The following CPEB1 variants were observed in gnomAD, a reference collection of about 807,000 sequenced individuals.
CPEB1 encodes the protein cytoplasmic polyadenylation element-binding protein 1.
CPEB1 carries 7 observed loss-of-function variants against 65.8 expected under a neutral mutation model. The ratio of observed to expected loss-of-function variants is 0.11; its 90% confidence interval spans 0.06 to 0.20. The LOEUF is 0.20. Ranked by LOEUF, CPEB1 falls within the 10% of genes least tolerant of loss-of-function variation. The pLI is 1.00. For synonymous variants in CPEB1, 262 were observed against 260.0 expected (o/e 1.01, Z -0.08); for missense variants, 551 against 712.2 (o/e 0.77, Z 2.58).
intron 11 of CPEB1, 81 bp from the exon 12 acceptor site, chr15:82,546,602 T>C: frequency 1.0e-6 from 1 of 1,003,260 alleles, no homozygotes; most frequent in South Asian, 1.3e-5. Context: ...GGCACATTAT[T>C]GGCCACACAC....
chr15:82,646,394 G>A (rs1239177997), intron 1 of CPEB1, among the ~76,000 whole-genome samples: 2 of 152,198 alleles, frequency 1.3e-5, no homozygotes, highest in Non-Finnish European at 2.9e-5. Context: ...TAGCCAGGGA[G>A]ACCAAGGGAA....
chr15:82,611,761 A>G (rs1424824678), intron 3 of CPEB1, among the ~76,000 whole-genome samples: 6 of 152,172 alleles, frequency 3.9e-5, no homozygotes, highest in Admixed American at 6.5e-5. Context: ...TTTCATCTCA[A>G]TAAGTTTAAA....
At chr15:82,546,128 T>C (rs1432651427) in intron 12 of CPEB1, among the ~76,000 whole-genome samples, 1 of 152,140 alleles carries the variant, frequency 6.6e-6, no homozygotes, top group Non-Finnish European at 1.5e-5. Context: ...TTTTTTTTTT[T>C]TGACACGGAG....
intron 4 of CPEB1, among the ~76,000 whole-genome samples, chr15:82,569,885 G>A (rs1478372025): frequency 6.6e-6 from 1 of 152,178 alleles, no homozygotes; most frequent in African/African-American, 2.4e-5. Context: ...GAGGACAGGG[G>A]AGGCTGGCTT....
intron 3 of CPEB1, among the ~76,000 whole-genome samples, chr15:82,618,584 C>G (rs1015539669): frequency 6.6e-6 from 1 of 151,992 alleles, no homozygotes; most frequent in Non-Finnish European, 1.5e-5. Flanking sequence ...GACAGGTTAC[C>G]TCAAACAATT....
chr15:82,560,626 C>T (rs1335147499), intron 4 of CPEB1, among the ~76,000 whole-genome samples: 1 of 152,144 alleles, frequency 6.6e-6, no homozygotes, highest in African/African-American at 2.4e-5. Context: ...CTCCTGAGCT[C>T]AAGCAATCCT....
At chr15:82,569,027 G>C (rs1439267877) in intron 4 of CPEB1, among the ~76,000 whole-genome samples, 2 of 152,158 alleles carry the variant, frequency 1.3e-5, no homozygotes, top group Non-Finnish European at 2.9e-5. Context: ...AGTGTAACAG[G>C]GTATCTGCAA....
At chr15:82,607,700 A>G (rs2043752627) in intron 3 of CPEB1, among the ~76,000 whole-genome samples, 2 of 152,214 alleles carry the variant, frequency 1.3e-5, no homozygotes, top group Non-Finnish European at 2.9e-5. Context: ...ATTACCAGAC[A>G]AAACAGACAT....
chr15:82,563,347 C>T (rs1428225437), intron 4 of CPEB1, among the ~76,000 whole-genome samples: 1 of 137,302 alleles, frequency 7.3e-6, no homozygotes, highest in Non-Finnish European at 1.6e-5. Context: ...TATGTAAGAT[C>T]ATCTCTATTC....
rs143517655 is a variant in CPEB1, at chr15:82,612,607, C to T, written c.271+14586G>A. ...ATCCCAGCACTTTGGGAGTCCAAGGCGGGTGGGTCATGAGGTCAGAAGTTC... is the reference window on the plus strand; with the variant it reads ...ATCCCAGCACTTTGGGAGTCCAAGGTGGGTGGGTCATGAGGTCAGAAGTTC... On this transcript the variant is annotated intron_variant, in intron 3 of 12. Transcript: ENST00000684509. Among the ~76,000 whole-genome samples, 5 of 151,502 alleles carry T rather than the reference C, an allele frequency of 3.3e-5. No homozygotes were observed. The East Asian group carries it at 7.8e-4, about 24-fold the overall frequency.
At chr15:82,597,947 C>T (rs1363749042) in intron 3 of CPEB1, among the ~76,000 whole-genome samples, 1 of 152,172 alleles carries the variant, frequency 6.6e-6, no homozygotes, top group Non-Finnish European at 1.5e-5. Context: ...AAGGAGTTAC[C>T]TATAGGACTA....
At chr15:82,602,649 C>A (rs1223440659) in intron 3 of CPEB1, among the ~76,000 whole-genome samples, 1 of 152,082 alleles carries the variant, frequency 6.6e-6, no homozygotes, top group African/African-American at 2.4e-5. Context: ...AGTTTGAGAC[C>A]AGCCTGGCCA....
intron 3 of CPEB1, among the ~76,000 whole-genome samples, chr15:82,614,590 T>C (rs537093067): frequency 6.6e-6 from 1 of 152,156 alleles, no homozygotes; most frequent in East Asian, 1.9e-4. Flanking sequence ...GGAGTACAAT[T>C]TGAACACAAA....
chr15:82,617,229 T>A (rs750250039), intron 3 of CPEB1, among the ~76,000 whole-genome samples: 1 of 152,252 alleles, frequency 6.6e-6, no homozygotes, highest in Non-Finnish European at 1.5e-5. Flanking sequence ...CATGTTGTAG[T>A]AGCAACAATA....
intron 12 of CPEB1, 45 bp downstream of exon 12, chr15:82,546,396 A>G (rs1162819655): frequency 6.5e-7 from 1 of 1,543,422 alleles, no homozygotes; most frequent in Non-Finnish European, 9.0e-7. Context: ...CGCCCAGCCA[A>G]CAATTTTTAA....
intron 3 of CPEB1, 198 bp from the exon 4 acceptor site, chr15:82,571,730 TCA>T: frequency 5.6e-6 from 8 of 1,418,324 alleles, no homozygotes; most frequent in Middle Eastern, 2.6e-4. Context: ...CCCCCTCCCC[TCA>T]CACACACACC....
At position 82,547,253 on chromosome 15, in the gene CPEB1, C is replaced by A; in HGVS notation, c.1481-16G>T. On this transcript the variant is annotated splice_polypyrimidine_tract_variant and intron_variant, in intron 10 of 12. Coordinates refer to ENST00000684509, the MANE Select transcript of CPEB1 (RefSeq NM_001365242.1). Reference sequence around the variant, plus strand: ...CGACCAGAACCTAGGACAACAGACACAAGCTTCCCTTCTAACCAAATTCTC... The same window carrying A: ...CGACCAGAACCTAGGACAACAGACAAAAGCTTCCCTTCTAACCAAATTCTC... 8 of 1,330,272 alleles carry A rather than the reference C, an allele frequency of 6.0e-6. No homozygotes were observed. The highest frequency in any genetic ancestry group is 1.8e-5 in the Admixed American group (1 of 56,228). 82.4% of individuals were successfully genotyped at this position (1,330,272 alleles called of 1,614,324 possible). A position where few individuals can be genotyped will look rare whatever the true frequency, so the allele number is the denominator to read the frequency against.
At chr15:82,629,994 G>T (rs2046104903) in intron 1 of CPEB1, 1 of 985,310 alleles carries the variant, frequency 1.0e-6, no homozygotes, top group Non-Finnish European at 1.2e-6. Context: ...CTAGAGTGGT[G>T]CCATTGAGAA....
intron 3 of CPEB1, among the ~76,000 whole-genome samples, chr15:82,583,876 A>G (rs2041519171): frequency 6.6e-6 from 1 of 152,242 alleles, no homozygotes; most frequent in South Asian, 2.1e-4. Context: ...CAATGCCTGT[A>G]AAGGAATCAA....
Sources: gnomAD v4.1 joint callset for allele counts (sites outside exome capture counted in the v4.1 genomes callset) on GRCh38, gnomAD v4.1.1 for gene constraint, MANE v1.5 for transcripts, NCBI Gene and HGNC (gene_info 2026-07-23, HGNC 2026-07-21) for gene names.